GABRP: variants seen among roughly 807,000 people sequenced by gnomAD.
GABRP encodes the protein gamma-aminobutyric acid type A receptor subunit pi.
GABRP carries 52 observed loss-of-function variants against 47.8 expected under a neutral mutation model. The observed-to-expected ratio is 1.09, with a 90% CI of 0.87 to 1.37. GABRP has a LOEUF of 1.37. GABRP is among the 40% of genes most tolerant of loss of function. The probability of loss-of-function intolerance (pLI) is 0.00; values close to 1 mark genes in which losing one functional copy is unlikely to be tolerated. For missense variants in GABRP, 525 were observed against 542.8 expected (o/e 0.97, Z 0.33); for synonymous variants, 221 against 205.8 (o/e 1.07, Z -0.63).
rs6866179 is a variant in GABRP at position 170,794,142 on chromosome 5, T to A, written c.173-89T>A. On this transcript the variant is annotated intron_variant, in intron 3 of 9. Coordinates refer to ENST00000265294, the MANE Select transcript of GABRP (RefSeq NM_014211.3). ...TTCTAACAACCAAGCACAACTTTTG[T>A]AATTTTAATCTTTTTTAGAATGCAC... The A allele has an allele frequency of 8.3e-3, 6,608 of 796,628 alleles. 290 individuals carry two copies. In the African/African-American group the frequency reaches 0.1, roughly 12 times the overall value. 49.3% of individuals were successfully genotyped at this position (796,628 alleles called of 1,614,324 possible). A position where few individuals can be genotyped will look rare whatever the true frequency, so the allele number is the denominator to read the frequency against.
At chr5:170,810,968 C>A (rs190734180) in intron 9 of GABRP, among the ~76,000 whole-genome samples, 103 of 151,692 alleles carry the variant, frequency 6.8e-4, no homozygotes, top group African/African-American at 2.3e-3. Flanking sequence ...ACTAGATTGG[C>A]AAAATGGACA....
At chr5:170,797,932 C>T (rs1343486842) in intron 6 of GABRP, among the ~76,000 whole-genome samples, 2 of 152,216 alleles carry the variant, frequency 1.3e-5, no homozygotes, top group African/African-American at 2.4e-5. Context: ...ACTTACACAC[C>T]GTCTGTGGCT....
At chr5:170,793,003 GA>G (rs1332996863) in intron 3 of GABRP, among the ~76,000 whole-genome samples, 4 of 152,122 alleles carry the variant, frequency 2.6e-5, no homozygotes, top group Non-Finnish European at 5.9e-5. Flanking sequence ...GAAGGGAAGG[GA>G]AATGCCATTA....
intron 9 of GABRP, chr5:170,809,996 A>T (rs753542532): frequency 1.4e-6 from 1 of 701,800 alleles, no homozygotes; most frequent in South Asian, 1.5e-5. Flanking sequence ...AAAATATGTT[A>T]TCTGTATGCA....
At chr5:170,801,422 C>T (rs957971123) in intron 6 of GABRP, among the ~76,000 whole-genome samples, 4 of 152,112 alleles carry the variant, frequency 2.6e-5, no homozygotes, top group Non-Finnish European at 4.4e-5. Flanking sequence ...AACCATGTGA[C>T]GCTTTTGTTG....
At chr5:170,786,793 G>A (rs1765140553) in intron 1 of GABRP, among the ~76,000 whole-genome samples, 1 of 152,124 alleles carries the variant, frequency 6.6e-6, no homozygotes, top group Admixed American at 6.5e-5. Flanking sequence ...TTCAATAAAT[G>A]TTTGCTATAA....
intron 4 of GABRP, 65 bp from the exon 5 acceptor site, chr5:170,795,143 C>T: frequency 8.6e-7 from 1 of 1,163,332 alleles, no homozygotes; most frequent in Non-Finnish European, 1.3e-6. Context: ...CCACTTTCCT[C>T]CATTTGGTGG....
rs545470328 is a variant in GABRP, at chr5:170,786,085, C to T, written c.-43+2211C>T. Among the ~76,000 whole-genome samples, 3 of 152,346 alleles carry T rather than the reference C, an allele frequency of 2.0e-5. No individual in the cohort carries two copies. In the South Asian group the frequency reaches 6.2e-4, roughly 32 times the overall value. ...GTTCATTCACCAGTCACACATGTCT[C>T]TTCCTCACTAGATGGGTGGGTGCTC... On this transcript the variant is annotated intron_variant, in intron 1 of 9. Transcript: ENST00000265294.
chr5:170,792,145 G>A (rs1765290008), intron 3 of GABRP, among the ~76,000 whole-genome samples: 2 of 152,304 alleles, frequency 1.3e-5, no homozygotes, highest in South Asian at 4.1e-4. Context: ...TTTTACAGGT[G>A]TGAAACTGTA....
At chr5:170,783,583 G>C (rs188587321), upstream of GABRP, 44 of 151,766 alleles carry the variant, frequency 2.9e-4, no homozygotes, top group Admixed American at 7.9e-4. Context: ...AGGAGCTGAC[G>C]ATCTCCAGAA....
chr5:170,805,926 A>C (rs1765724362), intron 7 of GABRP, 73 bp downstream of exon 7: 1 of 1,530,708 alleles, frequency 6.5e-7, no homozygotes, highest in Non-Finnish European at 8.9e-7. Flanking sequence ...TGAGTCAGAA[A>C]TATCGTCTTC....
chr5:170,810,523 C>T (rs1765854790), intron 9 of GABRP, among the ~76,000 whole-genome samples: 1 of 152,172 alleles, frequency 6.6e-6, no homozygotes, highest in Admixed American at 6.5e-5. Flanking sequence ...CACTTATCCG[C>T]TATTCCCACT....
intron 8 of GABRP, 52 bp from the exon 9 acceptor site, chr5:170,809,516 G>A: frequency 1.3e-6 from 2 of 1,576,506 alleles, no homozygotes; most frequent in Non-Finnish European, 1.7e-6. Context: ...CCAGGCTATG[G>A]TGGAGGACTA....
intron 3 of GABRP, among the ~76,000 whole-genome samples, chr5:170,791,377 C>T (rs1046432628): frequency 6.6e-6 from 1 of 152,236 alleles, no homozygotes; most frequent in Non-Finnish European, 1.5e-5. Context: ...GGCCATTGCT[C>T]TCTGTAATGT....
intron 6 of GABRP, among the ~76,000 whole-genome samples, chr5:170,797,845 A>G (rs1413537603): frequency 1.3e-5 from 2 of 152,174 alleles, no homozygotes; most frequent in Non-Finnish European, 2.9e-5. Flanking sequence ...TCAGCAAACA[A>G]CGGCTGGTGT....
chr5:170,798,073 G>A (rs945891741), intron 6 of GABRP, among the ~76,000 whole-genome samples: 5 of 152,156 alleles, frequency 3.3e-5, no homozygotes, highest in South Asian at 2.1e-4. Flanking sequence ...ACGGAGTCTC[G>A]CTCTGTCGCC....
intron 3 of GABRP, among the ~76,000 whole-genome samples, chr5:170,793,308 T>A (rs1468604348): frequency 6.6e-6 from 1 of 152,232 alleles, no homozygotes; most frequent in Non-Finnish European, 1.5e-5. Flanking sequence ...AGGTCCATTA[T>A]TCCACATCTC....
chr5:170,798,953 C>T (rs1031571126), intron 6 of GABRP, among the ~76,000 whole-genome samples: 4 of 146,118 alleles, frequency 2.7e-5, no homozygotes, highest in African/African-American at 1.0e-4. Flanking sequence ...CCCCTCCCCA[C>T]ACCCTTCCTG....
At chr5:170,783,165 C>G (rs774509274), upstream of GABRP, among the ~76,000 whole-genome samples, 75 of 152,186 alleles carry the variant, frequency 4.9e-4, no homozygotes, top group Non-Finnish European at 8.8e-4. Flanking sequence ...TCCTGGGCCT[C>G]TATCCTCTGT....
Sources: allele counts gnomAD v4.1 joint callset (sites outside exome capture counted in the v4.1 genomes callset), GRCh38; gene constraint gnomAD v4.1.1; transcripts MANE v1.5; gene names NCBI Gene and HGNC (gene_info 2026-07-23, HGNC 2026-07-21).